Variants in PRR5L observed in about 807,000 individuals in gnomAD.
PRR5L encodes the protein proline rich 5 like, also known as proline-rich protein 5-like.
PRR5L carries 21 observed loss-of-function variants against 36.4 expected under a neutral mutation model. The observed-to-expected ratio is 0.58, with a 90% confidence interval of 0.41 to 0.83. The LOEUF is 0.83. PRR5L is among the 40% of genes least tolerant of loss of function. The pLI, the probability that PRR5L is intolerant of heterozygous loss-of-function variation, is 0.00. For missense variants in PRR5L, 381 were observed against 473.3 expected, an observed-to-expected ratio of 0.80 and a Z score of 1.81; for synonymous variants, 188 against 197.0, an observed-to-expected ratio of 0.95 and a Z score of 0.38.
Position 36,448,951 on chromosome 11 carries a change from T to A in PRR5L, c.586-2258T>A, listed in dbSNP as rs115787061. Among the ~76,000 whole-genome samples the A allele has an allele frequency of 1.7e-3, 257 of 152,342 alleles. 1 individual carries two copies. Among genetic ancestry groups the A allele is most frequent in the African/African-American group, 5.8e-3 (241 of 41,582 alleles). Reference sequence around the variant, plus strand: ...CCACTTAGCCTTTCTAGGCAACTACTGCCTCCCTTCTGCAGTCTCCCAGGG... The same window carrying A: ...CCACTTAGCCTTTCTAGGCAACTACAGCCTCCCTTCTGCAGTCTCCCAGGG... On this transcript the variant is annotated intron_variant, in intron 7 of 8. Coordinates refer to ENST00000530639, the MANE Select transcript of PRR5L (RefSeq NM_001160167.2).
intron 4 of PRR5L, among the ~76,000 whole-genome samples, chr11:36,429,377 T>C (rs887208030): frequency 6.6e-6 from 1 of 152,176 alleles, no homozygotes; most frequent in African/African-American, 2.4e-5. Flanking sequence ...GGGTACTAAC[T>C]AAAATGAGAT....
At chr11:36,349,951 C>T (rs999106222) in intron 1 of PRR5L, 5 of 152,014 alleles carry the variant, frequency 3.3e-5, no homozygotes, top group African/African-American at 4.8e-5. Flanking sequence ...ATCTGAAACA[C>T]GAGCAACTCT....
chr11:36,370,348 T>C (rs2133511111), intron 1 of PRR5L, among the ~76,000 whole-genome samples: 1 of 152,314 alleles, frequency 6.6e-6, no homozygotes, highest in South Asian at 2.1e-4. Context: ...GCATTTCTCT[T>C]CTTTTTTTCC....
chr11:36,349,223 G>A (rs1312958655), intron 1 of PRR5L, among the ~76,000 whole-genome samples: 1 of 146,728 alleles, frequency 6.8e-6, no homozygotes, highest in East Asian at 2.0e-4. Context: ...GGCGGAGGTT[G>A]CAGTGAGCTG....
At position 36,401,106 on chromosome 11, in the gene PRR5L, A is replaced by C. The variant is rs781075146; in HGVS notation, c.-16A>C. On this transcript the variant is annotated 5_prime_UTR_variant, in exon 2 of 9. Coordinates refer to ENST00000530639, the MANE Select transcript of PRR5L (RefSeq NM_001160167.2). ...CTTCTGGTCCTAGAGGTGAAGCTGAACTGTCACCAGGACTTATGACCCGCG... is the reference window on the plus strand; with the variant it reads ...CTTCTGGTCCTAGAGGTGAAGCTGACCTGTCACCAGGACTTATGACCCGCG... 3 of 1,613,584 alleles carry C rather than the reference A, an allele frequency of 1.9e-6. No homozygotes were observed. The highest frequency in any genetic ancestry group is 2.5e-6 in the Non-Finnish European group (3 of 1,179,666).
chr11:36,311,301 G>A (rs570202678), intron 1 of PRR5L, among the ~76,000 whole-genome samples: 1 of 152,278 alleles, frequency 6.6e-6, no homozygotes, highest in African/African-American at 2.4e-5. Flanking sequence ...GACATATCTA[G>A]CACCAACAGG....
At chr11:36,419,143 C>T (rs1858210983) in intron 3 of PRR5L, 112 bp from the exon 4 acceptor site, 3 of 879,222 alleles carry the variant, frequency 3.4e-6, no homozygotes, top group African/African-American at 3.3e-5. Context: ...TAAGAAAGTG[C>T]CCTCAAGATC....
At chr11:36,401,351 G>C in intron 2 of PRR5L, 66 bp downstream of exon 2, 2 of 1,480,786 alleles carry the variant, frequency 1.4e-6, no homozygotes, top group South Asian at 2.4e-5. Flanking sequence ...GGAGGCATCC[G>C]GGGGCTGACT....
intron 1 of PRR5L, among the ~76,000 whole-genome samples, chr11:36,320,392 T>G (rs1158411183): frequency 7.1e-6 from 1 of 141,810 alleles, no homozygotes; most frequent in African/African-American, 2.7e-5. Flanking sequence ...TACAGGTGCC[T>G]GCCGCCACAC....
chr11:36,449,293 C>T lies in PRR5L; in HGVS notation c.586-1916C>T, dbSNP rs373681807. On this transcript the variant is annotated intron_variant, in intron 7 of 8. Coordinates refer to ENST00000530639, the MANE Select transcript of PRR5L (RefSeq NM_001160167.2). Reference sequence around the variant, plus strand: ...CCGTACTTAGAATTGTCCATTCTCTCCCTAGACATGCACTTTCCACAGTGC... The same window carrying T: ...CCGTACTTAGAATTGTCCATTCTCTTCCTAGACATGCACTTTCCACAGTGC... Among the ~76,000 whole-genome samples the T allele has an allele frequency of 1.2e-4, 18 of 152,354 alleles. No homozygotes were observed. The East Asian group carries it at 3.5e-3, about 29-fold the overall frequency.
At chr11:36,423,168 A>G (rs1858307445) in intron 4 of PRR5L, among the ~76,000 whole-genome samples, 1 of 152,194 alleles carries the variant, frequency 6.6e-6, no homozygotes, top group Non-Finnish European at 1.5e-5. Context: ...TAATACTAGG[A>G]AGAGAGGAAA....
At chr11:36,376,344 AAGAG>A in intron 1 of PRR5L, 1 of 989,460 alleles carries the variant, frequency 1.0e-6, no homozygotes, top group Non-Finnish European at 1.2e-6. Flanking sequence ...GAGGAGGAGG[AAGAG>A]GAGGAGGAGG....
intron 1 of PRR5L, among the ~76,000 whole-genome samples, chr11:36,355,969 A>T (rs1349178761): frequency 6.6e-6 from 1 of 151,166 alleles, no homozygotes; most frequent in East Asian, 2.0e-4. Context: ...GATGAAGTGC[A>T]GTGGCACAAA....
chr11:36,374,831 G>A (rs1857237030), intron 1 of PRR5L, among the ~76,000 whole-genome samples: 1 of 152,200 alleles, frequency 6.6e-6, no homozygotes, highest in Non-Finnish European at 1.5e-5. Context: ...CTAATAACCA[G>A]AGTATGGGAA....
intron 1 of PRR5L, among the ~76,000 whole-genome samples, chr11:36,374,102 CTTCCTCT>C: frequency 1.3e-5 from 1 of 78,762 alleles, no homozygotes; most frequent in African/African-American, 6.0e-5. Flanking sequence ...TCCTTCCTTC[CTTCCTCT>C]CTCTCTCTCT....
chr11:36,442,833 A>G (rs1437639798), intron 6 of PRR5L, among the ~76,000 whole-genome samples: 1 of 152,058 alleles, frequency 6.6e-6, no homozygotes, highest in Non-Finnish European at 1.5e-5. Context: ...CCCTATTTCT[A>G]TCAGTATTTT....
intron 1 of PRR5L, among the ~76,000 whole-genome samples, chr11:36,314,445 T>G (rs965116739): frequency 1.3e-5 from 2 of 152,160 alleles, no homozygotes; most frequent in African/African-American, 4.8e-5. Context: ...GGACGTATAT[T>G]GCACATACTT....
intron 8 of PRR5L, among the ~76,000 whole-genome samples, chr11:36,461,575 A>T (rs1331266638): frequency 2.0e-5 from 3 of 152,052 alleles, no homozygotes; most frequent in Non-Finnish European, 1.5e-5. Context: ...GTGAGCTGAG[A>T]TCACACCACT....
intron 4 of PRR5L, among the ~76,000 whole-genome samples, chr11:36,430,030 T>G (rs1858460738): frequency 2.0e-5 from 3 of 152,206 alleles, no homozygotes; most frequent in Admixed American, 1.3e-4. Context: ...TGTGAAGGAA[T>G]TGCTTTTTTT....
Sources: gnomAD v4.1 joint callset for allele counts (sites outside exome capture counted in the v4.1 genomes callset) on GRCh38, gnomAD v4.1.1 for gene constraint, MANE v1.5 for transcripts, NCBI Gene and HGNC (gene_info 2026-07-23, HGNC 2026-07-21) for gene names.